ARID5B: variants seen among roughly 807,000 people sequenced by gnomAD.
ARID5B encodes the protein AT-rich interaction domain 5B.
A neutral mutation model predicts 97.2 loss-of-function variants in ARID5B; 13 were observed. That is an observed-to-expected ratio of 0.13 (90% CI 0.09 to 0.21). The LOEUF is 0.21. Ranked by LOEUF, ARID5B falls within the 10% of genes least tolerant of loss-of-function variation. ARID5B has a pLI of 1.00. For synonymous variants in ARID5B, 556 were observed against 570.3 expected (o/e 0.97, Z 0.36); for missense variants, 1,210 against 1,465.3 (o/e 0.83, Z 2.84).
chr10:61,981,283 T>TTTTG (rs1408062775), intron 3 of ARID5B, among the ~76,000 whole-genome samples: 1 of 151,746 alleles, frequency 6.6e-6, no homozygotes, highest in Non-Finnish European at 1.5e-5. Flanking sequence ...CTGAGTTTTG[T>TTTTG]TTTGTTTGTT....
chr10:61,978,802 G>A (rs887291509), intron 3 of ARID5B, among the ~76,000 whole-genome samples: 4 of 152,190 alleles, frequency 2.6e-5, no homozygotes, highest in Non-Finnish European at 5.9e-5. Context: ...CATGTCATCT[G>A]CAAACGGGGA....
intron 2 of ARID5B, among the ~76,000 whole-genome samples, chr10:61,913,602 G>A (rs1288698388): frequency 6.6e-6 from 1 of 152,190 alleles, no homozygotes; most frequent in Non-Finnish European, 1.5e-5. Flanking sequence ...GCTGAGGAAA[G>A]TAGGCAAGTG....
intron 4 of ARID5B, among the ~76,000 whole-genome samples, chr10:62,029,177 C>T (rs1839462367): frequency 1.3e-5 from 2 of 152,148 alleles, no homozygotes; most frequent in Admixed American, 1.3e-4. Context: ...CTATTCTCAC[C>T]TCCATTTTTT....
chr10:61,917,835 G>C (rs1387946951), intron 2 of ARID5B, among the ~76,000 whole-genome samples: 1 of 152,220 alleles, frequency 6.6e-6, no homozygotes, highest in Non-Finnish European at 1.5e-5. Context: ...GCAAGAAGAA[G>C]AGCTTGGCTC....
intron 8 of ARID5B, among the ~76,000 whole-genome samples, chr10:62,073,562 G>A (rs1440037396): frequency 6.6e-6 from 1 of 152,146 alleles, no homozygotes; most frequent in East Asian, 1.9e-4. Flanking sequence ...AATCAAATAG[G>A]TCCAAGCACT....
chr10:61,931,537 T>G (rs1844210011), intron 2 of ARID5B, among the ~76,000 whole-genome samples: 1 of 152,154 alleles, frequency 6.6e-6, no homozygotes, highest in Non-Finnish European at 1.5e-5. Flanking sequence ...CTTTGCTTTG[T>G]GAAAGACACT....
At chr10:61,934,581 G>A (rs1012665645) in intron 2 of ARID5B, among the ~76,000 whole-genome samples, 20 of 152,186 alleles carry the variant, frequency 1.3e-4, no homozygotes, top group African/African-American at 3.6e-4. Flanking sequence ...GGAATAGGTA[G>A]GCAGGAGGAG....
intron 8 of ARID5B, among the ~76,000 whole-genome samples, chr10:62,079,888 G>T (rs1381418211): frequency 6.6e-6 from 1 of 152,206 alleles, no homozygotes; most frequent in Non-Finnish European, 1.5e-5. Flanking sequence ...GAGACCTTTT[G>T]TGGTGACAAA....
intron 2 of ARID5B, among the ~76,000 whole-genome samples, chr10:61,915,627 C>G (rs905966901): frequency 6.6e-5 from 10 of 152,232 alleles, no homozygotes; most frequent in South Asian, 6.2e-4. Flanking sequence ...CATCTAGACA[C>G]CTGGGGTGCA....
At chr10:62,064,154 T>C (rs1315985378) in intron 7 of ARID5B, among the ~76,000 whole-genome samples, 1 of 152,208 alleles carries the variant, frequency 6.6e-6, no homozygotes, top group East Asian at 1.9e-4. Context: ...TGACATCAAA[T>C]TCTGGCTTTG....
intron 2 of ARID5B, among the ~76,000 whole-genome samples, chr10:61,916,844 C>T (rs1415652881): frequency 6.6e-6 from 1 of 152,180 alleles, no homozygotes; most frequent in East Asian, 1.9e-4. Context: ...TCCTTGAGGT[C>T]TTCCATTGAC....
intron 2 of ARID5B, among the ~76,000 whole-genome samples, chr10:61,919,438 A>G (rs74156286): frequency 2.8e-3 from 426 of 152,298 alleles, no homozygotes; most frequent in African/African-American, 9.7e-3. Flanking sequence ...TGCAAAAAGC[A>G]TCAGCCAGAC....
At chr10:61,998,324 C>T (rs1271067423) in intron 3 of ARID5B, among the ~76,000 whole-genome samples, 1 of 152,212 alleles carries the variant, frequency 6.6e-6, no homozygotes, top group African/African-American at 2.4e-5. Context: ...TAACAACTGT[C>T]TAGTGCAATT....
At chr10:62,032,149 T>A (rs547211840) in intron 4 of ARID5B, among the ~76,000 whole-genome samples, 1 of 152,162 alleles carries the variant, frequency 6.6e-6, no homozygotes, top group South Asian at 2.1e-4. Flanking sequence ...ACTCTGTCTC[T>A]AAAAATATAA....
At chr10:61,941,529 T>A (rs771238865) in intron 3 of ARID5B, among the ~76,000 whole-genome samples, 3 of 151,994 alleles carry the variant, frequency 2.0e-5, no homozygotes, top group Non-Finnish European at 2.9e-5. Flanking sequence ...TTTTTTTTTT[T>A]AAACCCAGAA....
chr10:61,902,752 C>T (rs1219868173), intron 2 of ARID5B, among the ~76,000 whole-genome samples: 1 of 151,732 alleles, frequency 6.6e-6, no homozygotes, highest in Admixed American at 6.6e-5. Context: ...TCTTGAACAT[C>T]ACATGCTTTT....
rs562139052 is a variant in ARID5B at position 61,957,113 on chromosome 10, A to G, written c.502+16705A>G. Reference sequence around the variant, plus strand: ...GTGCAGAGCTCTGCTGTCCAGTATGATAGCTACTAGCCACAAATAGCTATT... The same window carrying G: ...GTGCAGAGCTCTGCTGTCCAGTATGGTAGCTACTAGCCACAAATAGCTATT... On this transcript the variant is annotated intron_variant, in intron 3 of 9. Coordinates refer to ENST00000279873, the MANE Select transcript of ARID5B (RefSeq NM_032199.3). Among the ~76,000 whole-genome samples the G allele has an allele frequency of 3.4e-3, 516 of 152,306 alleles. 1 individual carries two copies. Among genetic ancestry groups the G allele is most frequent in the South Asian group, 0.01 (50 of 4,828 alleles).
intron 2 of ARID5B, among the ~76,000 whole-genome samples, chr10:61,936,140 G>T (rs929588804): frequency 1.8e-4 from 28 of 152,072 alleles, no homozygotes; most frequent in African/African-American, 6.5e-4. Flanking sequence ...TATTTTCATA[G>T]CATCTTGACT....
intron 2 of ARID5B, among the ~76,000 whole-genome samples, chr10:61,915,580 C>G (rs1476301664): frequency 1.3e-5 from 2 of 152,096 alleles, no homozygotes; most frequent in Non-Finnish European, 2.9e-5. Context: ...TTAGAGATGT[C>G]CGTTTGCCCA....
Sources: allele counts gnomAD v4.1 joint callset (sites outside exome capture counted in the v4.1 genomes callset), GRCh38; gene constraint gnomAD v4.1.1; transcripts MANE v1.5; gene names NCBI Gene and HGNC (gene_info 2026-07-23, HGNC 2026-07-21).